Variants in ITFG1 observed in about 807,000 individuals in gnomAD.
The protein encoded by ITFG1 is T-cell immunomodulatory protein.
Under a neutral mutation model 81.8 loss-of-function variants are expected in ITFG1, and 34 were observed. The ratio of observed to expected loss-of-function variants is 0.42; its 90% CI spans 0.32 to 0.55. The LOEUF (loss-of-function observed/expected upper bound fraction) is 0.55. Ranked by LOEUF, ITFG1 falls within the 20% of genes least tolerant of loss-of-function variation. ITFG1 has a pLI of 0.17. For synonymous variants in ITFG1, 285 were observed against 270.6 expected, an observed-to-expected ratio of 1.05 and a Z score of -0.52; for missense variants, 672 against 755.4, an observed-to-expected ratio of 0.89 and a Z score of 1.29.
chr16:47,422,729 T>C (rs1968967119), intron 6 of ITFG1, among the ~76,000 whole-genome samples: 1 of 152,206 alleles, frequency 6.6e-6, no homozygotes, highest in African/African-American at 2.4e-5. Context: ...GGAGGGTGTA[T>C]GTGTCCAGGA....
intron 8 of ITFG1, among the ~76,000 whole-genome samples, chr16:47,363,153 C>T (rs1031501754): frequency 1.3e-5 from 2 of 152,100 alleles, no homozygotes; most frequent in African/African-American, 4.8e-5. Flanking sequence ...CCCGCCTCAG[C>T]CTCCCAAAGT....
At position 47,260,589 on chromosome 16, in the gene ITFG1, T is replaced by C. The variant is rs1361112821; in HGVS notation, c.1177A>G (p.Ile393Val). ...AAGGTGGCAACCATGGCATCCTTAATTTGATTTAGGTCTGTCAGCTCCCAG... is the reference window on the plus strand; with the variant it reads ...AAGGTGGCAACCATGGCATCCTTAACTTGATTTAGGTCTGTCAGCTCCCAG... ...VYWELTDLNQ[I>V]KDAMVATFFD... Residue 393 changes from isoleucine to valine, a missense_variant, in exon 11 of 18, where the codon ATT (isoleucine) becomes GTT (valine). Physicochemically the swap from Ile to Val is conservative, Grantham distance 29. This residue lies in a region of ITFG1 where 560 missense variants were observed against 625.7 expected (regional missense o/e 0.90). Transcript: ENST00000320640. 1 of 1,614,178 alleles carries C rather than the reference T, an allele frequency of 6.2e-7. No homozygotes were observed. Among genetic ancestry groups the C allele is most frequent in the Non-Finnish European group, 8.5e-7 (1 of 1,180,008 alleles).
At chr16:47,281,091 T>C (rs1049857586) in intron 10 of ITFG1, among the ~76,000 whole-genome samples, 5 of 152,174 alleles carry the variant, frequency 3.3e-5, no homozygotes, top group Non-Finnish European at 5.9e-5. Flanking sequence ...CTCCTGAATT[T>C]GTAGCCAAGT....
chr16:47,438,283 C>T (rs184320646), intron 5 of ITFG1, among the ~76,000 whole-genome samples: 5 of 152,356 alleles, frequency 3.3e-5, no homozygotes, highest in Admixed American at 6.5e-5. Context: ...AAACAAAAGA[C>T]AGCAATAACC....
intron 10 of ITFG1, among the ~76,000 whole-genome samples, 193 bp downstream of exon 10, chr16:47,311,047 T>C (rs1967250548): frequency 6.7e-6 from 1 of 148,792 alleles, no homozygotes; most frequent in African/African-American, 2.5e-5. Context: ...AATGAATCTG[T>C]GAAAAAAAAA....
chr16:47,355,927 C>T (rs747164744), intron 8 of ITFG1, among the ~76,000 whole-genome samples: 6 of 152,152 alleles, frequency 3.9e-5, no homozygotes, highest in Non-Finnish European at 7.4e-5. Flanking sequence ...AGAAGATTCA[C>T]TATCAAAACA....
intron 16 of ITFG1, among the ~76,000 whole-genome samples, chr16:47,160,244 TCA>T (rs899111983): frequency 6.6e-6 from 1 of 151,278 alleles, no homozygotes; most frequent in African/African-American, 2.4e-5. Flanking sequence ...TCAGAGGCAG[TCA>T]CTCTTACCAG....
intron 8 of ITFG1, among the ~76,000 whole-genome samples, chr16:47,321,581 T>G (rs1443266344): frequency 6.6e-6 from 1 of 152,128 alleles, no homozygotes; most frequent in Non-Finnish European, 1.5e-5. Flanking sequence ...TCCAGCTACT[T>G]GAGAGGCCAA....
chr16:47,236,292 G>A (rs1290540857), intron 13 of ITFG1, among the ~76,000 whole-genome samples: 1 of 151,892 alleles, frequency 6.6e-6, no homozygotes, highest in African/African-American at 2.4e-5. Context: ...TGGCTAACAC[G>A]GTAAAACCCC....
intron 14 of ITFG1, among the ~76,000 whole-genome samples, chr16:47,186,617 A>T (rs1965221412): frequency 6.6e-6 from 1 of 152,230 alleles, no homozygotes; most frequent in African/African-American, 2.4e-5. Flanking sequence ...ATTTCAAAAT[A>T]ATAAGAGCTA....
rs919975667 is a variant in ITFG1 at position 47,231,534 on chromosome 16, C to T, written c.1374+6431G>A. 5.3e-5 allele frequency among the ~76,000 whole-genome samples: 8 copies of T among 152,210 alleles called. 1 individual carries two copies. The highest frequency in any genetic ancestry group is 4.2e-4 in the South Asian group (2 of 4,818). ...TTTGTGATGTTTAAAAAGATTTACA[C>T]AGTAAGAAAAAGTCAAGAAGTCTAG... On this transcript the variant is annotated intron_variant, in intron 13 of 17. Coordinates refer to ENST00000320640, the MANE Select transcript of ITFG1 (RefSeq NM_030790.5).
chr16:47,176,387 T>C (rs755237823), intron 14 of ITFG1, among the ~76,000 whole-genome samples: 4 of 152,082 alleles, frequency 2.6e-5, no homozygotes, highest in African/African-American at 9.7e-5. Flanking sequence ...GAGGAAGATA[T>C]GTAATTTGGA....
intron 14 of ITFG1, among the ~76,000 whole-genome samples, chr16:47,211,645 G>T (rs1965562098): frequency 6.6e-6 from 1 of 152,140 alleles, no homozygotes; most frequent in Non-Finnish European, 1.5e-5. Context: ...TCAGCTGAAG[G>T]TTTCTTGTAA....
At chr16:47,258,564 GCT>G in intron 12 of ITFG1, 66 bp downstream of exon 12, 1 of 757,638 alleles carries the variant, frequency 1.3e-6, no homozygotes, top group East Asian at 2.6e-5. Context: ...GCATGTCCTT[GCT>G]CTTTGGAATA....
intron 13 of ITFG1, among the ~76,000 whole-genome samples, chr16:47,226,009 A>G (rs1317117574): frequency 2.0e-5 from 3 of 152,218 alleles, no homozygotes; most frequent in Non-Finnish European, 2.9e-5. Flanking sequence ...TAATTATAAA[A>G]CCATCTTGTT....
At chr16:47,296,589 T>C (rs983877104) in intron 10 of ITFG1, among the ~76,000 whole-genome samples, 20 of 152,056 alleles carry the variant, frequency 1.3e-4, no homozygotes, top group African/African-American at 4.8e-4. Context: ...GTACACGCCA[T>C]CACGTCCAGT....
intron 14 of ITFG1, among the ~76,000 whole-genome samples, chr16:47,212,672 T>A (rs1965577823): frequency 6.6e-6 from 1 of 152,240 alleles, no homozygotes; most frequent in Non-Finnish European, 1.5e-5. Flanking sequence ...TGTGATAGTT[T>A]GTGTTTTTCA....
chr16:47,343,875 A>T (rs1213183703), intron 8 of ITFG1, among the ~76,000 whole-genome samples: 1 of 152,184 alleles, frequency 6.6e-6, no homozygotes, highest in African/African-American at 2.4e-5. Context: ...GGATTCACAT[A>T]GACTACAGCA....
chr16:47,332,224 A>T (rs549450693), intron 8 of ITFG1, among the ~76,000 whole-genome samples: 333 of 151,948 alleles, frequency 2.2e-3, no homozygotes, highest in Non-Finnish European at 3.8e-3. Context: ...TAAAATAAAA[A>T]AAGAAGGGTA....
Sources: gnomAD v4.1 joint callset for allele counts (sites outside exome capture counted in the v4.1 genomes callset) on GRCh38, gnomAD v4.1.1 for gene constraint, gnomAD v4.1.1 regional missense constraint, MANE v1.5 for transcripts, NCBI Gene and HGNC (gene_info 2026-07-23, HGNC 2026-07-21) for gene names.